HIVEP3: variants seen among roughly 807,000 people sequenced by gnomAD.
HIVEP3 encodes the protein HIVEP zinc finger 3, also known as transcription factor HIVEP3.
Under a neutral mutation model 152.8 loss-of-function variants are expected in HIVEP3, and 49 were observed. That is an observed-to-expected ratio of 0.32 (90% CI 0.26 to 0.41). The LOEUF (loss-of-function observed/expected upper bound fraction) is 0.41, where lower values mean the gene tolerates loss of function less well. HIVEP3 is among the 10% of genes least tolerant of loss of function. The probability of loss-of-function intolerance (pLI) is 1.00; values close to 1 mark genes in which losing one functional copy is unlikely to be tolerated. For missense variants in HIVEP3, 2,790 were observed against 3,103.3 expected, an observed-to-expected ratio of 0.90 and a Z score of 2.40; for synonymous variants, 1,269 against 1,289.0, an observed-to-expected ratio of 0.98 and a Z score of 0.33.
At chr1:41,991,621 A>G (rs1401657832) in intron 1 of HIVEP3, among the ~76,000 whole-genome samples, 1 of 151,528 alleles carries the variant, frequency 6.6e-6, no homozygotes, top group Non-Finnish European at 1.5e-5. Context: ...CAATAGAAAA[A>G]GAGGGAATCC....
At chr1:41,556,548 T>C (rs1284093969) in intron 5 of HIVEP3, among the ~76,000 whole-genome samples, 1 of 152,246 alleles carries the variant, frequency 6.6e-6, no homozygotes, top group Non-Finnish European at 1.5e-5. Context: ...TTATCAAATA[T>C]ATGATTTGCA....
chr1:41,826,061 C>T (rs1642793252), intron 1 of HIVEP3, among the ~76,000 whole-genome samples: 1 of 152,172 alleles, frequency 6.6e-6, no homozygotes, highest in Non-Finnish European at 1.5e-5. Context: ...CTGGACATGG[C>T]TGCCCTGCTG....
intron 2 of HIVEP3, among the ~76,000 whole-genome samples, chr1:41,692,201 AC>A (rs934766237): frequency 6.6e-6 from 1 of 152,218 alleles, no homozygotes; most frequent in African/African-American, 2.4e-5. Context: ...GAATGAGGCG[AC>A]CTTCTGCCTT....
chr1:41,886,210 A>C (rs548369975), intron 1 of HIVEP3, among the ~76,000 whole-genome samples: 1 of 152,284 alleles, frequency 6.6e-6, no homozygotes, highest in East Asian at 1.9e-4. Context: ...ATCCAGCATA[A>C]GGGAAAGTTA....
Position 41,712,890 on chromosome 1 carries a change from C to T in HIVEP3, c.-800-11895G>A, listed in dbSNP as rs1646535809. Among the ~76,000 whole-genome samples the T allele has an allele frequency of 2.0e-5, 3 of 152,234 alleles. No homozygotes were observed. The South Asian group carries it at 6.2e-4, about 32-fold the overall frequency. On this transcript the variant is annotated intron_variant, in intron 1 of 8. Coordinates refer to ENST00000372583, the MANE Select transcript of HIVEP3 (RefSeq NM_024503.5). Reference sequence around the variant, plus strand: ...TTCCTGGCCAGTTGCCCATGCTGGCCTCAGGCAGTGGAGCCTGACAGGAGA... The same window carrying T: ...TTCCTGGCCAGTTGCCCATGCTGGCTTCAGGCAGTGGAGCCTGACAGGAGA...
chr1:41,841,594 C>T (rs1185754888), intron 1 of HIVEP3, among the ~76,000 whole-genome samples: 1 of 152,170 alleles, frequency 6.6e-6, no homozygotes, highest in Non-Finnish European at 1.5e-5. Context: ...GTGTGCTGTT[C>T]TTCCAGAAGC....
chr1:42,026,106 C>T (rs1054885084), intron 1 of HIVEP3, among the ~76,000 whole-genome samples: 1 of 151,948 alleles, frequency 6.6e-6, no homozygotes, highest in African/African-American at 2.4e-5. Flanking sequence ...AAAGGCTTGT[C>T]GGTCACGATA....
chr1:41,971,599 G>A (rs1220437627), intron 1 of HIVEP3, among the ~76,000 whole-genome samples: 2 of 152,092 alleles, frequency 1.3e-5, no homozygotes, highest in Non-Finnish European at 2.9e-5. Flanking sequence ...ACCCCACCTG[G>A]CAGCCCAAAA....
intron 1 of HIVEP3, among the ~76,000 whole-genome samples, chr1:41,788,661 T>C (rs1451856448): frequency 6.6e-6 from 1 of 152,256 alleles, no homozygotes; most frequent in East Asian, 1.9e-4. Flanking sequence ...TGCCCTGGCC[T>C]GTGGATTTCT....
At chr1:41,746,373 G>A (rs1647072317) in intron 1 of HIVEP3, among the ~76,000 whole-genome samples, 1 of 152,232 alleles carries the variant, frequency 6.6e-6, no homozygotes. Context: ...GGGACTGGCT[G>A]TGAAGTCCTC....
chr1:41,908,381 T>C (rs1324519659), intron 1 of HIVEP3, among the ~76,000 whole-genome samples: 1 of 152,304 alleles, frequency 6.6e-6, no homozygotes, highest in African/African-American at 2.4e-5. Flanking sequence ...AGTAAGACTC[T>C]TATTGGCAGG....
chr1:42,005,484 A>C (rs1257441711), intron 1 of HIVEP3, among the ~76,000 whole-genome samples: 3 of 152,174 alleles, frequency 2.0e-5, no homozygotes, highest in Non-Finnish European at 4.4e-5. Context: ...AGTCAGGCAA[A>C]TTCCAGGATA....
intron 5 of HIVEP3, among the ~76,000 whole-genome samples, chr1:41,575,320 A>T (rs1269189653): frequency 6.6e-6 from 1 of 152,146 alleles, no homozygotes; most frequent in Non-Finnish European, 1.5e-5. Flanking sequence ...GATCCTCAAC[A>T]AATACCCAGC....
At chr1:41,592,054 C>G (rs1235018650) in intron 3 of HIVEP3, among the ~76,000 whole-genome samples, 1 of 152,196 alleles carries the variant, frequency 6.6e-6, no homozygotes, top group Non-Finnish European at 1.5e-5. Context: ...GCAGGTGGGA[C>G]AGTGAGTAGC....
At chr1:42,025,620 G>T (rs1645577620) in intron 1 of HIVEP3, among the ~76,000 whole-genome samples, 1 of 152,204 alleles carries the variant, frequency 6.6e-6, no homozygotes, top group African/African-American at 2.4e-5. Flanking sequence ...TAGGAAGAAG[G>T]TGCCCTCCTC....
At chr1:41,856,134 C>T (rs1643759207) in intron 1 of HIVEP3, among the ~76,000 whole-genome samples, 1 of 152,138 alleles carries the variant, frequency 6.6e-6, no homozygotes, top group Non-Finnish European at 1.5e-5. Context: ...AGGGAGAGGC[C>T]AGGTATCTGC....
intron 1 of HIVEP3, among the ~76,000 whole-genome samples, chr1:41,881,373 G>C (rs555779049): frequency 6.6e-6 from 1 of 152,134 alleles, no homozygotes; most frequent in Non-Finnish European, 1.5e-5. Context: ...GCCATAATTT[G>C]GGTCATAACA....
At chr1:41,808,172 A>G (rs1375661975) in intron 1 of HIVEP3, among the ~76,000 whole-genome samples, 1 of 152,232 alleles carries the variant, frequency 6.6e-6, no homozygotes, top group Admixed American at 6.5e-5. Context: ...AACTAGGCCC[A>G]AAGAGGTTGA....
intron 3 of HIVEP3, among the ~76,000 whole-genome samples, chr1:41,618,211 G>A (rs193254464): frequency 6.6e-5 from 10 of 152,320 alleles, no homozygotes; most frequent in Admixed American, 2.0e-4. Flanking sequence ...GCCAGAGCCC[G>A]GAGCCACCAG....
Sources: gnomAD v4.1 joint callset for allele counts (sites outside exome capture counted in the v4.1 genomes callset) on GRCh38, gnomAD v4.1.1 for gene constraint, MANE v1.5 for transcripts, NCBI Gene and HGNC (gene_info 2026-07-23, HGNC 2026-07-21) for gene names.